SFMBT2: variants seen among roughly 807,000 people sequenced by gnomAD.
SFMBT2 encodes the protein Scm like with four mbt domains 2.
Under a neutral mutation model 110.1 loss-of-function variants are expected in SFMBT2, and 38 were observed. The ratio of observed to expected loss-of-function variants is 0.35; its 90% CI spans 0.27 to 0.45. The LOEUF (loss-of-function observed/expected upper bound fraction) is 0.45, where lower values mean the gene tolerates loss of function less well. Among genes scored for constraint, SFMBT2 ranks in the 20% least tolerant of loss-of-function variants. SFMBT2 has a pLI of 1.00. For missense variants in SFMBT2, 1,011 were observed against 1,094.9 expected (o/e 0.92, Z 1.08); for synonymous variants, 425 against 425.4 (o/e 1.00, Z 0.01).
chr10:7,310,072 C>T (rs1267586122), intron 4 of SFMBT2, among the ~76,000 whole-genome samples: 6 of 152,194 alleles, frequency 3.9e-5, no homozygotes, highest in Non-Finnish European at 8.8e-5. Context: ...GGCAACAAAA[C>T]TTGTCTCCAG....
chr10:7,272,824 G>A (rs980318305), intron 7 of SFMBT2, among the ~76,000 whole-genome samples: 1 of 152,122 alleles, frequency 6.6e-6, no homozygotes, highest in African/African-American at 2.4e-5. Flanking sequence ...ACAGAGTCTT[G>A]CTCTGCCGCC....
chr10:7,204,598 G>T, intron 12 of SFMBT2: 1 of 683,084 alleles, frequency 1.5e-6, no homozygotes, highest in Non-Finnish European at 1.8e-6. Flanking sequence ...CACACTATTA[G>T]CCAGGCGTGG....
Position 7,159,489 on chromosome 10 carries a change from GA to G in SFMBT2, c.*4280del, listed in dbSNP as rs1414242683. ...GAACAGAAAAGGGCAGTAAACAAAAGAATTATTGAATTATAATAGTTGCCAA... is the reference window on the plus strand; with the variant it reads ...GAACAGAAAAGGGCAGTAAACAAAAGATTATTGAATTATAATAGTTGCCAA... On this transcript the variant is annotated 3_prime_UTR_variant, in exon 21 of 21. Coordinates refer to ENST00000397167, the MANE Select transcript of SFMBT2 (RefSeq NM_001387889.1). 1 of 152,084 alleles carries G rather than the reference GA, an allele frequency of 6.6e-6. No individual in the cohort carries two copies. Among genetic ancestry groups the G allele is most frequent in the East Asian group, 1.9e-4 (1 of 5,190 alleles). 9.4% of individuals were successfully genotyped at this position (152,084 alleles called of 1,614,324 possible).
intron 2 of SFMBT2, among the ~76,000 whole-genome samples, chr10:7,373,686 G>A (rs943896491): frequency 1.3e-5 from 2 of 152,166 alleles, no homozygotes; most frequent in Admixed American, 6.5e-5. Flanking sequence ...TCAAAGTGAT[G>A]AGTCTGTCTC....
chr10:7,321,251 G>A (rs1246713487), intron 4 of SFMBT2, among the ~76,000 whole-genome samples: 1 of 149,844 alleles, frequency 6.7e-6, no homozygotes, highest in Non-Finnish European at 1.5e-5. Context: ...GCCCAGGCTG[G>A]AGTGCAGTGG....
At chr10:7,368,653 G>A (rs150515457) in intron 3 of SFMBT2, among the ~76,000 whole-genome samples, 4 of 152,186 alleles carry the variant, frequency 2.6e-5, no homozygotes, top group African/African-American at 9.7e-5. Flanking sequence ...AAAGAAAATA[G>A]GAGTGACTCC....
intron 11 of SFMBT2, among the ~76,000 whole-genome samples, chr10:7,216,710 G>A (rs1839554249): frequency 6.6e-6 from 1 of 152,090 alleles, no homozygotes; most frequent in African/African-American, 2.4e-5. Flanking sequence ...AGCCTCTGAT[G>A]AGGGCCTCAG....
At chr10:7,251,948 A>G (rs1194245934) in intron 7 of SFMBT2, among the ~76,000 whole-genome samples, 1 of 152,170 alleles carries the variant, frequency 6.6e-6, no homozygotes, top group African/African-American at 2.4e-5. Flanking sequence ...CCTGACAGCC[A>G]CGGGGCTTCT....
At chr10:7,329,777 GCCCAGGACAAGGGT>G (rs1197787835) in intron 4 of SFMBT2, among the ~76,000 whole-genome samples, 1 of 152,196 alleles carries the variant, frequency 6.6e-6, no homozygotes, top group East Asian at 1.9e-4. Flanking sequence ...TGACTCAGGT[GCCCAGGACAAGGGT>G]TCCAGCAAAT....
intron 15 of SFMBT2, chr10:7,189,233 C>A (rs761554237): frequency 1.1e-6 from 1 of 942,738 alleles, no homozygotes; most frequent in Non-Finnish European, 1.3e-6. Flanking sequence ...CTTGCAGGCT[C>A]AATTCATGGA....
chr10:7,409,094 C>CCACCACCACCAT (rs555889391), intron 1 of SFMBT2, among the ~76,000 whole-genome samples: 2,565 of 146,466 alleles, frequency 0.018, 36 homozygotes, highest in Non-Finnish European at 0.026. Context: ...CCCCACCCCA[C>CCACCACCACCAT]CACCACCACC....
intron 4 of SFMBT2, among the ~76,000 whole-genome samples, chr10:7,299,617 G>T (rs762664240): frequency 6.6e-6 from 1 of 152,162 alleles, no homozygotes; most frequent in East Asian, 1.9e-4. Flanking sequence ...AAACAGGAAC[G>T]CTTTTACGCT....
intron 11 of SFMBT2, chr10:7,215,636 G>A: frequency 1.0e-6 from 1 of 985,382 alleles, no homozygotes; most frequent in Non-Finnish European, 1.2e-6. Flanking sequence ...CATGGAGGCA[G>A]GGCCCCGCAG....
chr10:7,355,722 G>A (rs914073251), intron 4 of SFMBT2, among the ~76,000 whole-genome samples: 10 of 152,258 alleles, frequency 6.6e-5, no homozygotes, highest in African/African-American at 2.2e-4. Flanking sequence ...CTGAGGCAGA[G>A]AACTGCTTGA....
At chr10:7,376,990 G>A (rs1391139695) in intron 2 of SFMBT2, among the ~76,000 whole-genome samples, 1 of 151,224 alleles carries the variant, frequency 6.6e-6, no homozygotes, top group Non-Finnish European at 1.5e-5. Context: ...CTAACATGGT[G>A]AAACCCCATC....
chr10:7,365,977 TAAAAA>T (rs567920778), intron 4 of SFMBT2, among the ~76,000 whole-genome samples: 1 of 151,998 alleles, frequency 6.6e-6, no homozygotes, highest in Admixed American at 6.6e-5. Context: ...AATTAGATCT[TAAAAA>T]AGAAAAGAAA....
intron 15 of SFMBT2, among the ~76,000 whole-genome samples, chr10:7,196,980 A>C (rs1838791450): frequency 6.6e-6 from 1 of 152,188 alleles, no homozygotes; most frequent in Non-Finnish European, 1.5e-5. Context: ...CACAGCCTCC[A>C]AGTGATGGGC....
At chr10:7,393,693 A>G (rs1220100070) in intron 1 of SFMBT2, among the ~76,000 whole-genome samples, 3 of 152,220 alleles carry the variant, frequency 2.0e-5, no homozygotes, top group Non-Finnish European at 4.4e-5. Flanking sequence ...CCTTGTGGTT[A>G]GATGAATTCA....
Position 7,359,234 on chromosome 10 carries a change from TCCAC to T in SFMBT2, c.436+8411_436+8414del, listed in dbSNP as rs1844628774. ...AAGGATCATTCAGGACGTTCAAAGG[TCCAC>T]CCAGAGCAGGAACGGGGCCAGATGG... On this transcript the variant is annotated intron_variant, in intron 4 of 20. Coordinates refer to ENST00000397167, the MANE Select transcript of SFMBT2 (RefSeq NM_001387889.1). 2.0e-5 allele frequency among the ~76,000 whole-genome samples: 3 copies of T among 151,998 alleles called. No individual in the cohort carries two copies. In the South Asian group the frequency reaches 6.2e-4, roughly 32 times the overall value.
Sources: allele counts gnomAD v4.1 joint callset (sites outside exome capture counted in the v4.1 genomes callset), GRCh38; gene constraint gnomAD v4.1.1; transcripts MANE v1.5; gene names NCBI Gene and HGNC (gene_info 2026-07-23, HGNC 2026-07-21).